The following PXN variants were observed in gnomAD, a reference collection of about 807,000 sequenced individuals.
PXN encodes paxillin.
PXN carries 61 observed loss-of-function variants against 103.6 expected under a neutral mutation model. That is an observed-to-expected ratio of 0.59 (90% CI 0.48 to 0.73). The LOEUF (loss-of-function observed/expected upper bound fraction) is 0.73, where lower values mean the gene tolerates loss of function less well. Ranked by LOEUF, PXN falls within the 30% of genes least tolerant of loss-of-function variation. The pLI is 0.00. For missense variants in PXN, 1,274 were observed against 1,460.3 expected, an observed-to-expected ratio of 0.87 and a Z score of 2.08; for synonymous variants, 562 against 607.8, an observed-to-expected ratio of 0.92 and a Z score of 1.11.
chr12:120,231,063 A>G (rs1460358252), intron 1 of PXN, among the ~76,000 whole-genome samples: 1 of 152,238 alleles, frequency 6.6e-6, no homozygotes, highest in African/African-American at 2.4e-5. Flanking sequence ...AGCAGTGAGC[A>G]GAGCAAACAG....
Position 120,265,293 on chromosome 12 carries a change from C to T in PXN, c.13+324G>A, listed in dbSNP as rs1436829080. Among the ~76,000 whole-genome samples the T allele has an allele frequency of 6.6e-6, 1 of 151,686 alleles. No homozygotes were observed. Among genetic ancestry groups the T allele is most frequent in the African/African-American group, 2.4e-5 (1 of 41,260 alleles). On this transcript the variant is annotated intron_variant, in intron 1 of 14. Coordinates refer to ENST00000637617, the MANE Select transcript of PXN (RefSeq NM_001385981.1). This position sits in a 1 kb window ranked among gnomAD's most constrained non-coding sequence, Gnocchi z 5.7. The stretch of plus-strand genomic sequence containing the variant: ...GCCGCAGGAAGTCTCGTCCCTGCAG[C>T]GGACGGGGTGGGTCCCTGAGGGGCG...
chr12:120,259,465 C>T (rs1361794061), intron 1 of PXN, among the ~76,000 whole-genome samples: 1 of 152,170 alleles, frequency 6.6e-6, no homozygotes, highest in Non-Finnish European at 1.5e-5. Flanking sequence ...CTTTAGCATG[C>T]ACCTAACAAT....
At position 120,217,062 on chromosome 12, in the gene PXN, G is replaced by A. The variant is rs757852974; in HGVS notation, c.1771C>T (p.Arg591Trp). 51 of 1,591,568 alleles carry A rather than the reference G, an allele frequency of 3.2e-5. 1 individual carries two copies. The East Asian group carries it at 5.4e-4, about 17-fold the overall frequency. Residue 591 changes from arginine (R) to tryptophan (W), a missense_variant, in exon 8 of 15, where the codon CGG becomes TGG. By Grantham distance (101) the Arg-to-Trp change is moderately radical (BLOSUM62 -3). Coordinates refer to ENST00000637617, the MANE Select transcript of PXN (RefSeq NM_001385981.1). The surrounding 1 kb of genome is among the most constrained non-coding windows in gnomAD (Gnocchi z 4.1). ...WESGHAHPMSREPSPRRRLDP... is the reference protein window; with the variant it reads ...WESGHAHPMSWEPSPRRRLDP... ...AGCCGGCGGCGAGGGGAGGGCTCCCGGGACATGGGGTGTGCGTGGCCAGAC... is the reference window on the plus strand; with the variant it reads ...AGCCGGCGGCGAGGGGAGGGCTCCCAGGACATGGGGTGTGCGTGGCCAGAC...
Position 120,212,096 on chromosome 12 carries a change from G to T in PXN, c.*218C>A. 1.3e-6 allele frequency: 1 copy of T among 779,322 alleles called. No homozygotes were observed. Among genetic ancestry groups the T allele is most frequent in the Non-Finnish European group, 2.3e-6 (1 of 440,074 alleles). The allele number at this position is 779,322 out of a possible 1,614,324, so 48.3% of individuals were successfully genotyped here. On this transcript the variant is annotated 3_prime_UTR_variant, in exon 15 of 15. Transcript: ENST00000637617. This position sits in a 1 kb window ranked among gnomAD's most constrained non-coding sequence, Gnocchi z 7.2. ...GGAGGATGGAGAGTGGGCAGCCTAG[G>T]GAGAGCTACAGGAGGGAGGAGGGGG...
intron 3 of PXN, 110 bp from the exon 4 acceptor site, chr12:120,223,109 C>T (rs565888042): frequency 6.4e-7 from 1 of 1,555,786 alleles, no homozygotes; most frequent in East Asian, 2.3e-5. Flanking sequence ...GCGAAGTCTT[C>T]CCCCGCAAGA....
rs1881754800 is a variant in PXN at position 120,214,382 on chromosome 12, C to CA, written c.2749-166dup. ...TGTGCTGTGAATGCCTCTAAGAATT[C>CA]AGAGTTACTCAGGATGGGACAAGCC... On this transcript the variant is annotated intron_variant, in intron 12 of 14. Transcript: ENST00000637617. The surrounding 1 kb of genome is among the most constrained non-coding windows in gnomAD (Gnocchi z 5.0). 6.6e-6 allele frequency among the ~76,000 whole-genome samples: 1 copy of CA among 152,170 alleles called. No homozygotes were observed. Among genetic ancestry groups the CA allele is most frequent in the Non-Finnish European group, 1.5e-5 (1 of 68,040 alleles).
chr12:120,210,881 G>T lies in PXN; in HGVS notation c.*1433C>A, dbSNP rs1400157590. ...CTGGGGGGTTTCCCCAGAGGAGCCT[G>T]TCCCTCTGCCCCAAATCCTATCATG... On this transcript the variant is annotated 3_prime_UTR_variant, in exon 15 of 15. Coordinates refer to ENST00000637617, the MANE Select transcript of PXN (RefSeq NM_001385981.1). 6.6e-6 allele frequency: 1 copy of T among 152,656 alleles called. No individual in the cohort carries two copies. The highest frequency in any genetic ancestry group is 1.5e-5 in the Non-Finnish European group (1 of 68,086). 9.5% of individuals were successfully genotyped at this position (152,656 alleles called of 1,614,324 possible). A position where few individuals can be genotyped will look rare whatever the true frequency, so the allele number is the denominator to read the frequency against.
At chr12:120,226,403 C>A in intron 1 of PXN, 1 of 1,289,194 alleles carries the variant, frequency 7.8e-7, no homozygotes, top group South Asian at 1.2e-5. Context: ...GGTATAACTG[C>A]GGTTCAGAGG....
intron 1 of PXN, among the ~76,000 whole-genome samples, chr12:120,230,486 AAGC>A (rs1887783085): frequency 6.6e-6 from 1 of 152,160 alleles, no homozygotes; most frequent in Admixed American, 6.5e-5. Flanking sequence ...TCAGGGATAT[AAGC>A]AGTGAGCAGG....
In PXN at chr12:120,265,220, T is replaced by C. The variant is rs1357052944; in HGVS notation, c.13+397A>G. ...GGGCGGTCGATCTGTGAGGTGGGGG[T>C]GGGGAGAGGTCTGCGAGGTGAGGGT... On this transcript the variant is annotated intron_variant, in intron 1 of 14. Coordinates refer to ENST00000637617, the MANE Select transcript of PXN (RefSeq NM_001385981.1). The surrounding 1 kb of genome is among the most constrained non-coding windows in gnomAD (Gnocchi z 5.7). 1.2e-5 allele frequency among the ~76,000 whole-genome samples: 1 copy of C among 80,802 alleles called. No homozygotes were observed. Among genetic ancestry groups the C allele is most frequent in the Non-Finnish European group, 2.5e-5 (1 of 40,096 alleles). The allele number at this position is 80,802 out of a possible 152,430, so 53.0% of individuals were successfully genotyped here.
intron 1 of PXN, among the ~76,000 whole-genome samples, chr12:120,245,542 C>G (rs1042566173): frequency 6.6e-6 from 1 of 151,596 alleles, no homozygotes; most frequent in African/African-American, 2.4e-5. Context: ...AATCCCAGCA[C>G]TTTGGGAGGC....
intron 1 of PXN, among the ~76,000 whole-genome samples, chr12:120,262,209 C>G (rs904945869): frequency 6.6e-6 from 1 of 152,212 alleles, no homozygotes; most frequent in African/African-American, 2.4e-5. Flanking sequence ...TCCAAAGGGT[C>G]AAGACTGCTG....
At position 120,224,394 on chromosome 12, in the gene PXN, CGGGTAGCAGG is replaced by C; in HGVS notation, c.14-27_14-18del. The stretch of plus-strand genomic sequence containing the variant: ...GCAGGGCGTCTGCAAAGAGAAGGCA[CGGGTAGCAGG>C]TGAGAACCGGGATCCTGGGGACTCT... On this transcript the variant is annotated intron_variant, in intron 1 of 14. Transcript: ENST00000637617. The surrounding 1 kb of genome is among the most constrained non-coding windows in gnomAD (Gnocchi z 5.0). 6.3e-7 allele frequency: 1 copy of C among 1,595,284 alleles called. No individual in the cohort carries two copies. The highest frequency in any genetic ancestry group is 1.1e-5 in the South Asian group (1 of 90,712).
intron 1 of PXN, among the ~76,000 whole-genome samples, chr12:120,237,890 C>T (rs963745449): frequency 3.9e-5 from 6 of 152,178 alleles, no homozygotes; most frequent in African/African-American, 1.4e-4. Flanking sequence ...AGTCCCCCCA[C>T]CCCACTGAGC....
At position 120,221,773 on chromosome 12, in the gene PXN, C is replaced by T; in HGVS notation, c.696-15G>A. ...TGATGGCAGGGCTGCAGGGTGGGCACAGCATCAGTGGGGAGCCCACAGTCA... is the reference window on the plus strand; with the variant it reads ...TGATGGCAGGGCTGCAGGGTGGGCATAGCATCAGTGGGGAGCCCACAGTCA... On this transcript the variant is annotated splice_polypyrimidine_tract_variant and intron_variant, in intron 5 of 14. Transcript: ENST00000637617. The surrounding 1 kb of genome is among the most constrained non-coding windows in gnomAD (Gnocchi z 6.6). 1.3e-6 allele frequency: 2 copies of T among 1,555,522 alleles called. No homozygotes were observed. The highest frequency in any genetic ancestry group is 1.7e-6 in the Non-Finnish European group (2 of 1,151,808).
chr12:120,224,729 TGCAGGGCAAC>T lies in PXN; in HGVS notation c.14-362_14-353del, dbSNP rs1886341468. 4 of 527,162 alleles carry T rather than the reference TGCAGGGCAAC, an allele frequency of 7.6e-6. No homozygotes were observed. The highest frequency in any genetic ancestry group is 1.5e-5 in the Non-Finnish European group (4 of 273,572). 32.7% of individuals were successfully genotyped at this position (527,162 alleles called of 1,614,324 possible). ...AAGTGCCTGTCTGGAACTCTGAATC[TGCAGGGCAAC>T]GCGGAGAGAATGGGCGGGAGGGGCC... On this transcript the variant is annotated intron_variant, in intron 1 of 14. Transcript: ENST00000637617. The surrounding 1 kb of genome is among the most constrained non-coding windows in gnomAD (Gnocchi z 5.0).
rs1427961811 is a variant in PXN at position 120,214,967 on chromosome 12, G to A, written c.2606C>T (p.Pro869Leu). The A allele has an allele frequency of 3.1e-6, 5 of 1,613,812 alleles. No individual in the cohort carries two copies. The highest frequency in any genetic ancestry group is 1.3e-5 in the African/African-American group (1 of 74,920). ...GCAGTGGGTGCAGACGAAGTGCTCG[G>A]GGTGCCACGTCTTCCCCATGGCGGT... is the stretch of plus-strand genomic sequence containing the variant. ...VVTAMGKTWH[P>L]EHFVCTHCQE... The change falls in exon 12 of 15, where the codon CCC becomes CTC. Residue 869 changes from proline to leucine, a missense_variant. This residue lies in a region of PXN where 1,178 missense variants were observed against 1,309.0 expected (regional missense o/e 0.90). Transcript: ENST00000637617. This position sits in a 1 kb window ranked among gnomAD's most constrained non-coding sequence, Gnocchi z 5.0.
Position 120,220,132 on chromosome 12 carries a change from G to T in PXN, c.832-41C>A, listed in dbSNP as rs1175039037. ...ATGCAGAGGGGAGAGGAGAGAGAGA[G>T]ATGAGGGGAGTGAGGACGGCTGCAC... On this transcript the variant is annotated intron_variant, in intron 6 of 14. Transcript: ENST00000637617. The surrounding 1 kb of genome is among the most constrained non-coding windows in gnomAD (Gnocchi z 6.1). 3.7e-6 allele frequency: 3 copies of T among 815,524 alleles called. No individual in the cohort carries two copies. The highest frequency in any genetic ancestry group is 5.6e-6 in the Non-Finnish European group (3 of 534,592). The allele number at this position is 815,524 out of a possible 1,614,324, so 50.5% of individuals were successfully genotyped here.
rs1882111693 is a variant in PXN at position 120,214,921 on chromosome 12, C to G, written c.2652G>C (p.Arg884=). The G allele has an allele frequency of 3.7e-6, 6 of 1,613,888 alleles. No individual in the cohort carries two copies. In the South Asian group the frequency reaches 5.5e-5, roughly 15 times the overall value. The part of the protein sequence containing the change: ...CTHCQEEIGS[R]NFFERDGQPY... ...GCTGTCCATCCCGCTCGAAGAAGTT[C>G]CGGGATCCGATCTCCTCCTGGCAGT... Residue 884 remains arginine (R), a synonymous_variant, in exon 12 of 15, where the codon CGG becomes CGC. Transcript: ENST00000637617. The surrounding 1 kb of genome is among the most constrained non-coding windows in gnomAD (Gnocchi z 5.0).
Sources: allele counts gnomAD v4.1 joint callset (sites outside exome capture counted in the v4.1 genomes callset), GRCh38; gene constraint gnomAD v4.1.1; regional missense constraint gnomAD v4.1.1; non-coding constraint Gnocchi (gnomAD v3.1); transcripts MANE v1.5; gene names NCBI Gene and HGNC (gene_info 2026-07-23, HGNC 2026-07-21).